SLAIN2: variants seen among roughly 807,000 people sequenced by gnomAD.
The protein encoded by SLAIN2 is SLAIN family member 2.
In SLAIN2, 31 loss-of-function variants were observed where a neutral mutation model predicts 56.6. The observed-to-expected ratio is 0.55, with a 90% CI of 0.41 to 0.74. The LOEUF is 0.74. SLAIN2 is among the 30% of genes least tolerant of loss of function. The probability of loss-of-function intolerance (pLI) is 0.00; values close to 1 mark genes in which losing one functional copy is unlikely to be tolerated. For synonymous variants in SLAIN2, 317 were observed against 284.9 expected (o/e 1.11, Z -1.13); for missense variants, 777 against 754.2 (o/e 1.03, Z -0.35).
Position 48,382,768 on chromosome 4 carries a change from A to G in SLAIN2, c.1063A>G (p.Lys355Glu). ...ACGCAATTCACCTCGACCGTCACCT[A>G]AGCAGTCACCCAGAAATTCACCTCG... ...SPRNSPRPSP[K>E]QSPRNSPRSR... is the part of the protein sequence containing the mutation. The change falls in exon 5 of 8, where the codon AAG (lysine) becomes GAG (glutamate). Residue 355 changes from lysine to glutamate, a missense_variant. Physicochemically the swap from Lys to Glu is moderately conservative, Grantham distance 56. Coordinates refer to ENST00000264313, the MANE Select transcript of SLAIN2 (RefSeq NM_020846.2). 1 of 1,613,736 alleles carries G rather than the reference A, an allele frequency of 6.2e-7. No individual in the cohort carries two copies. Among genetic ancestry groups the G allele is most frequent in the Non-Finnish European group, 8.5e-7 (1 of 1,179,860 alleles).
In SLAIN2 at chr4:48,369,862, C is replaced by G; in HGVS notation, c.403C>G (p.Pro135Ala). Residue 135 changes from proline (P) to alanine (A), a missense_variant, in exon 2 of 8, where the codon CCA (proline) becomes GCA (alanine). Transcript: ENST00000264313. ...GTCTTCTTCTAGGCTGTATTCATCACCAAAGAAAAAACTTACACCAATGCA... is the reference window on the plus strand; with the variant it reads ...GTCTTCTTCTAGGCTGTATTCATCAGCAAAGAAAAAACTTACACCAATGCA... ...EEEESWLYSS[P>A]KKKLTPMQKS... 3.7e-6 allele frequency: 6 copies of G among 1,612,908 alleles called. No homozygotes were observed. The highest frequency in any genetic ancestry group is 5.1e-6 in the Non-Finnish European group (6 of 1,179,448).
chr4:48,363,379 CCGGGCGGGGGGG>C (rs1249363098), intron 1 of SLAIN2, among the ~76,000 whole-genome samples: 5 of 82,214 alleles, frequency 6.1e-5, no homozygotes, highest in African/African-American at 1.6e-4. Context: ...GGGCGGCTGG[CCGGGCGGGGGGG>C]CTGACCCCCC....
At chr4:48,365,217 C>T (rs139288436) in intron 1 of SLAIN2, among the ~76,000 whole-genome samples, 2,588 of 151,638 alleles carry the variant, frequency 0.017, 71 homozygotes, top group African/African-American at 0.06. Flanking sequence ...GCCTGTAATC[C>T]CAGTACTTTG....
intron 1 of SLAIN2, among the ~76,000 whole-genome samples, chr4:48,344,071 G>A (rs147447806): frequency 5.0e-4 from 60 of 120,920 alleles, no homozygotes; most frequent in African/African-American, 1.7e-3. Flanking sequence ...GGCTGCTTTG[G>A]TTCCTGAGCA....
intron 6 of SLAIN2, chr4:48,394,684 T>C: frequency 1.3e-6 from 2 of 1,519,898 alleles, no homozygotes; most frequent in Non-Finnish European, 1.8e-6. Context: ...AGTTTAAAAT[T>C]TCAGCAAATG....
chr4:48,371,495 A>G (rs1676388688), intron 2 of SLAIN2, among the ~76,000 whole-genome samples: 1 of 152,242 alleles, frequency 6.6e-6, no homozygotes. Flanking sequence ...ATAAGAGATT[A>G]TTAGAAATAT....
intron 1 of SLAIN2, among the ~76,000 whole-genome samples, chr4:48,357,755 A>T (rs11737752): frequency 6.6e-6 from 1 of 151,772 alleles, no homozygotes; most frequent in East Asian, 1.9e-4. Context: ...AGGTTTCTCC[A>T]TGTTGGTCAG....
intron 1 of SLAIN2, among the ~76,000 whole-genome samples, chr4:48,343,546 A>G (rs766535682): frequency 1.3e-5 from 2 of 152,230 alleles, no homozygotes; most frequent in African/African-American, 4.8e-5. Context: ...GAAAGTGTAC[A>G]GTGAATTACC....
At chr4:48,365,103 T>C (rs1017786555) in intron 1 of SLAIN2, among the ~76,000 whole-genome samples, 2 of 152,132 alleles carry the variant, frequency 1.3e-5, no homozygotes, top group African/African-American at 4.8e-5. Flanking sequence ...GTCCTCTCTT[T>C]TGTTTTTGGT....
chr4:48,401,906 T>C (rs13133788), intron 6 of SLAIN2, among the ~76,000 whole-genome samples: 91,916 of 152,034 alleles, frequency 0.6, 28,096 homozygotes, highest in South Asian at 0.71. Context: ...TGGCTGGTAA[T>C]GGTTTTTCCT....
At chr4:48,396,234 C>T (rs1165889083) in intron 6 of SLAIN2, among the ~76,000 whole-genome samples, 1 of 152,006 alleles carries the variant, frequency 6.6e-6, no homozygotes, top group African/African-American at 2.4e-5. Context: ...GAATTCTTGG[C>T]ATCTCTAGCT....
At chr4:48,412,844 T>C (rs1194395939) in intron 6 of SLAIN2, among the ~76,000 whole-genome samples, 3 of 152,198 alleles carry the variant, frequency 2.0e-5, no homozygotes, top group Admixed American at 1.3e-4. Flanking sequence ...GCCATTTTTA[T>C]ATGCTTTGGA....
intron 1 of SLAIN2, among the ~76,000 whole-genome samples, chr4:48,360,776 C>T (rs1715306046): frequency 6.6e-6 from 1 of 152,094 alleles, no homozygotes; most frequent in South Asian, 2.1e-4. Context: ...TCCTTCTCTC[C>T]ACCCCCTCAT....
Position 48,386,114 on chromosome 4 carries a change from C to T in SLAIN2, c.1360+2330C>T, listed in dbSNP as rs1365125589. Among the ~76,000 whole-genome samples the T allele has an allele frequency of 4.1e-5, 6 of 147,468 alleles. No homozygotes were observed. The South Asian group carries it at 6.4e-4, about 16-fold the overall frequency. On this transcript the variant is annotated intron_variant, in intron 6 of 7. Coordinates refer to ENST00000264313, the MANE Select transcript of SLAIN2 (RefSeq NM_020846.2). ...AGAAAAAAAAAAAAAAAAAAAGCTA[C>T]GAAAAAACTATATTTGAATCAAAAT... is the stretch of plus-strand genomic sequence containing the variant.
At chr4:48,342,202 C>G (rs1714730379) in intron 1 of SLAIN2, 74 bp downstream of exon 1, 2 of 1,322,812 alleles carry the variant, frequency 1.5e-6, no homozygotes, top group Admixed American at 4.1e-5. Context: ...GAGGGTCCCT[C>G]TGGTCGGGCG....
At chr4:48,408,993 CAGT>C (rs1344059063) in intron 6 of SLAIN2, among the ~76,000 whole-genome samples, 1 of 152,110 alleles carries the variant, frequency 6.6e-6, no homozygotes, top group East Asian at 1.9e-4. Context: ...CTACAGTATT[CAGT>C]ACAGTAGCAT....
chr4:48,344,210 C>T (rs1403547557), intron 1 of SLAIN2, among the ~76,000 whole-genome samples: 2 of 152,086 alleles, frequency 1.3e-5, no homozygotes, highest in African/African-American at 2.4e-5. Flanking sequence ...TATACTTTTT[C>T]TGAGATTTGT....
chr4:48,412,396 AC>A lies in SLAIN2; in HGVS notation c.1361-7728del, dbSNP rs1560465811. On this transcript the variant is annotated intron_variant, in intron 6 of 7. Coordinates refer to ENST00000264313, the MANE Select transcript of SLAIN2 (RefSeq NM_020846.2). Reference sequence around the variant, plus strand: ...CACACACACACACACACACACACACACACACACACACACACACACATTCCCT... The same window carrying A: ...CACACACACACACACACACACACACAACACACACACACACACACATTCCCT... 2.9e-3 allele frequency among the ~76,000 whole-genome samples: 169 copies of A among 57,516 alleles called. 6 individuals are homozygous for A. The highest frequency in any genetic ancestry group is 7.7e-3 in the African/African-American group (145 of 18,750). 37.7% of individuals were successfully genotyped at this position (57,516 alleles called of 152,430 possible). A position where few individuals can be genotyped will look rare whatever the true frequency, so the allele number is the denominator to read the frequency against.
At position 48,420,231 on chromosome 4, in the gene SLAIN2, A is replaced by G; in HGVS notation, c.1467A>G (p.Gln489=). Residue 489 remains glutamine (Q), a synonymous_variant, in exon 7 of 8, where the codon CAA becomes CAG. Transcript: ENST00000264313. Reference sequence around the variant, plus strand: ...ATGGCTCTGGTTCTCCTGGTAGCCAAGAAATAACACAGCTCACACAAACCA... The same window carrying G: ...ATGGCTCTGGTTCTCCTGGTAGCCAGGAAATAACACAGCTCACACAAACCA... ...SNHGSGSPGS[Q]EITQLTQTTS... The G allele has an allele frequency of 6.2e-7, 1 of 1,613,986 alleles. No homozygotes were observed. The highest frequency in any genetic ancestry group is 8.5e-7 in the Non-Finnish European group (1 of 1,179,880).
Sources: gnomAD v4.1 joint callset for allele counts (sites outside exome capture counted in the v4.1 genomes callset) on GRCh38, gnomAD v4.1.1 for gene constraint, MANE v1.5 for transcripts, NCBI Gene and HGNC (gene_info 2026-07-23, HGNC 2026-07-21) for gene names.